RBFOX1: variants seen among roughly 807,000 people sequenced by gnomAD.
The protein encoded by RBFOX1 is RNA binding protein fox-1 homolog 1.
A neutral mutation model predicts 57.7 loss-of-function variants in RBFOX1; 8 were observed. The observed-to-expected ratio is 0.14, with a 90% CI of 0.08 to 0.25. The LOEUF (loss-of-function observed/expected upper bound fraction) is 0.25. Among genes scored for constraint, RBFOX1 ranks in the 10% least tolerant of loss-of-function variants. The probability of loss-of-function intolerance (pLI) is 1.00; values close to 1 mark genes in which losing one functional copy is unlikely to be tolerated. For missense variants in RBFOX1, 611 were observed against 548.5 expected (o/e 1.11, Z -1.14); for synonymous variants, 326 against 222.4 (o/e 1.47, Z -4.15).
intron 4 of RBFOX1, among the ~76,000 whole-genome samples, chr16:7,348,283 T>C (rs893786819): frequency 6.6e-6 from 1 of 152,216 alleles, no homozygotes; most frequent in Non-Finnish European, 1.5e-5. Flanking sequence ...TTGTGGTACA[T>C]ATATTTTCTT....
chr16:5,565,557 G>A (rs761789710), intron 2 of RBFOX1, among the ~76,000 whole-genome samples: 55 of 151,956 alleles, frequency 3.6e-4, no homozygotes, highest in African/African-American at 1.0e-3. Flanking sequence ...CCCGGGAGGC[G>A]GAGTTCGTGG....
In RBFOX1 at chr16:6,970,636, A is replaced by C. The variant is rs530568220; in HGVS notation, c.-15-81421A>C. On this transcript the variant is annotated intron_variant, in intron 3 of 15. Transcript: ENST00000550418. ...CTCCTGCCTCTTTTGGAAGGGCACT[A>C]ATCCCATTTGTGAGGGCTATGACCT... 8.5e-5 allele frequency among the ~76,000 whole-genome samples: 13 copies of C among 152,284 alleles called. No individual in the cohort carries two copies. The South Asian group carries it at 2.7e-3, about 32-fold the overall frequency.
At chr16:7,557,446 C>G (rs73486618) in intron 5 of RBFOX1, among the ~76,000 whole-genome samples, 13,900 of 151,554 alleles carry the variant, frequency 0.092, 1,275 homozygotes, top group African/African-American at 0.24. Flanking sequence ...ATGTTGAAAC[C>G]CCGACTTTAC....
rs1266935464 is a variant in RBFOX1, at chr16:6,392,374, T to C, written c.-64+75317T>C. Among the ~76,000 whole-genome samples the C allele has an allele frequency of 2.6e-5, 4 of 152,326 alleles. No homozygotes were observed. In the East Asian group the frequency reaches 7.7e-4, roughly 29 times the overall value. The stretch of plus-strand genomic sequence containing the variant: ...CTCCTGGACCATAGAGTACCTTAAA[T>C]ACGTTACATTATATAATTTACTAAT... On this transcript the variant is annotated intron_variant, in intron 2 of 15. Coordinates refer to ENST00000550418, the MANE Select transcript of RBFOX1 (RefSeq NM_018723.4).
chr16:5,960,849 TG>T (rs1166342008), intron 4 of RBFOX1, among the ~76,000 whole-genome samples: 1 of 152,220 alleles, frequency 6.6e-6, no homozygotes, highest in Non-Finnish European at 1.5e-5. Context: ...CAGGATTTCC[TG>T]GAACATGAAG....
At chr16:6,114,568 G>C in intron 1 of RBFOX1, among the ~76,000 whole-genome samples, 1 of 127,158 alleles carries the variant, frequency 7.9e-6, no homozygotes, top group South Asian at 2.4e-4. Context: ...AAGTTTTCTT[G>C]GAGGGGGCGT....
chr16:5,884,185 C>G (rs2057837550), intron 4 of RBFOX1, among the ~76,000 whole-genome samples: 1 of 152,146 alleles, frequency 6.6e-6, no homozygotes, highest in Non-Finnish European at 1.5e-5. Context: ...AATGATACCT[C>G]AATTTTACAT....
intron 3 of RBFOX1, among the ~76,000 whole-genome samples, chr16:5,858,156 C>G (rs925996260): frequency 1.3e-5 from 2 of 152,030 alleles, no homozygotes; most frequent in African/African-American, 4.8e-5. Context: ...AACCTTGCAC[C>G]TAGCCGCAGA....
intron 1 of RBFOX1, among the ~76,000 whole-genome samples, chr16:5,402,418 G>T (rs1596873722): frequency 1.3e-5 from 2 of 152,206 alleles, no homozygotes; most frequent in African/African-American, 4.8e-5. Flanking sequence ...AGAGGCCAGT[G>T]GAAGATCCCC....
intron 2 of RBFOX1, among the ~76,000 whole-genome samples, chr16:6,449,062 C>T (rs906843953): frequency 1.3e-5 from 2 of 152,056 alleles, no homozygotes; most frequent in African/African-American, 4.8e-5. Context: ...ATATTTCTGC[C>T]ATTGTAAGTA....
intron 4 of RBFOX1, among the ~76,000 whole-genome samples, chr16:7,140,157 C>CCTCCCTCT (rs2073300584): frequency 2.8e-5 from 2 of 70,888 alleles, no homozygotes; most frequent in Admixed American, 1.5e-4. Context: ...TCCTTCTCTC[C>CCTCCCTCT]CTCTCTCTCT....
intron 4 of RBFOX1, among the ~76,000 whole-genome samples, chr16:7,388,204 G>A (rs888139437): frequency 5.9e-5 from 9 of 152,048 alleles, no homozygotes; most frequent in Non-Finnish European, 1.3e-4. Flanking sequence ...TTCCTTCTTG[G>A]CAGAGTTCTA....
At chr16:5,553,810 A>C (rs1432793714) in intron 2 of RBFOX1, among the ~76,000 whole-genome samples, 1 of 150,674 alleles carries the variant, frequency 6.6e-6, no homozygotes, top group Non-Finnish European at 1.5e-5. Context: ...ACTACTATAG[A>C]GTTTTTATAT....
chr16:6,940,811 TAGCTGGGA>T (rs2078273707), intron 3 of RBFOX1, among the ~76,000 whole-genome samples: 1 of 105,784 alleles, frequency 9.5e-6, no homozygotes. Flanking sequence ...TGTGTGTGTG[TAGCTGGGA>T]GTACAGGCGC....
intron 2 of RBFOX1, among the ~76,000 whole-genome samples, chr16:6,426,740 A>G (rs1390757402): frequency 1.3e-5 from 2 of 152,212 alleles, no homozygotes; most frequent in African/African-American, 2.4e-5. Context: ...CTGTTCTGAA[A>G]TTTCAAAAGT....
intron 14 of RBFOX1, among the ~76,000 whole-genome samples, chr16:7,692,879 A>C (rs2077663481): frequency 9.2e-6 from 1 of 108,684 alleles, no homozygotes; most frequent in East Asian, 2.5e-4. Context: ...AAATGACAGC[A>C]CTTTTTCTTA....
chr16:6,659,927 A>G (rs2098690482), intron 3 of RBFOX1, among the ~76,000 whole-genome samples: 1 of 152,132 alleles, frequency 6.6e-6, no homozygotes, highest in South Asian at 2.1e-4. Flanking sequence ...GTTAGAAATT[A>G]TTGCTTAAAG....
chr16:7,702,425 G>T (rs2081051056), intron 14 of RBFOX1, among the ~76,000 whole-genome samples: 1 of 152,192 alleles, frequency 6.6e-6, no homozygotes, highest in Admixed American at 6.5e-5. Context: ...GAAGCCTTCA[G>T]CCTCTTTCAG....
At chr16:6,953,879 C>T (rs188449515) in intron 3 of RBFOX1, among the ~76,000 whole-genome samples, 3 of 152,152 alleles carry the variant, frequency 2.0e-5, no homozygotes, top group Non-Finnish European at 2.9e-5. Context: ...CGGCCAAAGC[C>T]AGTTGTTGAC....
Sources: gnomAD v4.1 joint callset for allele counts (sites outside exome capture counted in the v4.1 genomes callset) on GRCh38, gnomAD v4.1.1 for gene constraint, MANE v1.5 for transcripts, NCBI Gene and HGNC (gene_info 2026-07-23, HGNC 2026-07-21) for gene names.